Variants in CEP128 observed in about 807,000 individuals in gnomAD.
CEP128 encodes centrosomal protein 128.
Under a neutral mutation model 156.7 loss-of-function variants are expected in CEP128, and 132 were observed. The observed-to-expected ratio is 0.84, with a 90% CI of 0.73 to 0.97. CEP128 has a LOEUF of 0.97. CEP128 is among the 50% of genes least tolerant of loss of function. The probability of loss-of-function intolerance (pLI) is 0.00; values close to 1 mark genes in which losing one functional copy is unlikely to be tolerated. For synonymous variants in CEP128, 469 were observed against 448.9 expected (o/e 1.04, Z -0.57); for missense variants, 1,252 against 1,281.9 (o/e 0.98, Z 0.36).
intron 19 of CEP128, among the ~76,000 whole-genome samples, chr14:80,654,041 G>A (rs757334473): frequency 2.0e-5 from 3 of 152,100 alleles, no homozygotes; most frequent in Non-Finnish European, 4.4e-5. Flanking sequence ...TCAAAAAAAT[G>A]TGAAAGCCCC....
At chr14:80,663,631 T>C (rs1373085441) in intron 19 of CEP128, among the ~76,000 whole-genome samples, 1 of 152,196 alleles carries the variant, frequency 6.6e-6, no homozygotes, top group Admixed American at 6.5e-5. Context: ...GAGCCTCTTC[T>C]CTGTGCGAGG....
intron 23 of CEP128, among the ~76,000 whole-genome samples, chr14:80,506,273 T>A (rs1048233845): frequency 2.0e-5 from 3 of 150,308 alleles, no homozygotes; most frequent in African/African-American, 7.3e-5. Context: ...ACAGCTTAGG[T>A]ACACTGAGCC....
intron 19 of CEP128, among the ~76,000 whole-genome samples, chr14:80,705,098 C>CA (rs745932610): frequency 0.059 from 8,581 of 145,324 alleles, 290 homozygotes; most frequent in Middle Eastern, 0.08. Context: ...TTTATCCCAC[C>CA]AAAAAAAAAA....
At chr14:80,957,827 T>G (rs1886783986) in intron 2 of CEP128, 1 of 152,204 alleles carries the variant, frequency 6.6e-6, no homozygotes, top group Non-Finnish European at 1.5e-5. Context: ...AATGTTCAAC[T>G]AGGTGCTTTC....
downstream of CEP128, among the ~76,000 whole-genome samples, chr14:80,487,313 C>T (rs1887188581): frequency 6.6e-6 from 1 of 152,172 alleles, no homozygotes; most frequent in Non-Finnish European, 1.5e-5. Context: ...ATCAATTCAA[C>T]AAGAAGAGCT....
upstream of CEP128, among the ~76,000 whole-genome samples, chr14:80,944,808 T>C: frequency 1.1e-5 from 1 of 87,638 alleles, no homozygotes; most frequent in African/African-American, 4.2e-5. Flanking sequence ...GGCGACAGAG[T>C]CAAGAGTCTG....
Position 80,743,253 on chromosome 14 carries a change from C to G in CEP128, c.2628G>C (p.Trp876Cys), listed in dbSNP as rs777399716. The G allele has an allele frequency of 1.9e-6, 3 of 1,611,042 alleles. No homozygotes were observed. The highest frequency in any genetic ancestry group is 2.5e-6 in the Non-Finnish European group (3 of 1,177,988). Residue 876 changes from tryptophan to cysteine, a missense_variant, in exon 19 of 25, where the codon TGG becomes TGC. Coordinates refer to ENST00000555265, the MANE Select transcript of CEP128 (RefSeq NM_152446.5). ...WLAESKTKLQWLCEELKEREN... is the reference protein window; with the variant it reads ...WLAESKTKLQCLCEELKEREN... ...CTCTCTCTTTCAGTTCCTCACAGAG[C>G]CACTGAAGTTTAGTCTAAAAAATAA... is the stretch of plus-strand genomic sequence containing the variant.
chr14:80,675,286 A>G (rs1896013864), intron 19 of CEP128, among the ~76,000 whole-genome samples: 1 of 152,086 alleles, frequency 6.6e-6, no homozygotes, highest in Non-Finnish European at 1.5e-5. Context: ...CCACTGTTAG[A>G]CACATGCAAC....
intron 18 of CEP128, among the ~76,000 whole-genome samples, chr14:80,744,025 C>A (rs1333021243): frequency 6.6e-6 from 1 of 151,922 alleles, no homozygotes; most frequent in East Asian, 1.9e-4. Context: ...TACACACCAC[C>A]ATGTCTGGCT....
chr14:80,812,336 G>A (rs1432872734), intron 13 of CEP128, among the ~76,000 whole-genome samples: 1 of 152,114 alleles, frequency 6.6e-6, no homozygotes, highest in African/African-American at 2.4e-5. Flanking sequence ...CCATTTCTTT[G>A]CTATTGTGAA....
intron 19 of CEP128, among the ~76,000 whole-genome samples, chr14:80,667,517 A>T (rs1895665847): frequency 6.6e-6 from 1 of 152,194 alleles, no homozygotes; most frequent in South Asian, 2.1e-4. Context: ...TCTAAAATAA[A>T]ATTTTAAAAA....
rs571465157 is a variant in CEP128 at position 80,672,145 on chromosome 14, TGTAAA to T, written c.2806+70925_2806+70929del. On this transcript the variant is annotated intron_variant, in intron 19 of 24. Transcript: ENST00000555265. ...TAGGACATAAAAGCTAGCTACTGGA[TGTAAA>T]GTAAACAAATCTATACAATTCATTA... Among the ~76,000 whole-genome samples, 16 of 152,252 alleles carry T rather than the reference TGTAAA, an allele frequency of 1.1e-4. 1 individual carries two copies. The South Asian group carries it at 3.3e-3, about 32-fold the overall frequency.
downstream of CEP128, among the ~76,000 whole-genome samples, chr14:80,494,707 G>A (rs1371482267): frequency 3.3e-5 from 5 of 152,012 alleles, no homozygotes; most frequent in South Asian, 2.1e-4. Flanking sequence ...AAGAAAAGTA[G>A]GTTCATTTTC....
At chr14:80,876,110 C>G (rs1888268664) in intron 8 of CEP128, among the ~76,000 whole-genome samples, 1 of 151,766 alleles carries the variant, frequency 6.6e-6, no homozygotes, top group Non-Finnish European at 1.5e-5. Context: ...AATCTGAAGT[C>G]CTAAAAGAAG....
At chr14:80,819,928 C>T (rs1296142066) in intron 13 of CEP128, among the ~76,000 whole-genome samples, 2 of 152,026 alleles carry the variant, frequency 1.3e-5, no homozygotes, top group East Asian at 1.9e-4. Flanking sequence ...AAAAACAGAA[C>T]ATAAAACCTG....
At chr14:80,674,122 G>C (rs973001934) in intron 19 of CEP128, among the ~76,000 whole-genome samples, 2 of 150,964 alleles carry the variant, frequency 1.3e-5, no homozygotes, top group African/African-American at 2.4e-5. Flanking sequence ...ACAGAAAACT[G>C]GTAATCAGCA....
At chr14:80,813,883 T>A (rs555669332) in intron 13 of CEP128, among the ~76,000 whole-genome samples, 1 of 152,226 alleles carries the variant, frequency 6.6e-6, no homozygotes, top group Admixed American at 6.5e-5. Context: ...AAAAAATTTT[T>A]ATATACTTTC....
At chr14:80,537,676 A>T (rs1889547078) in intron 21 of CEP128, among the ~76,000 whole-genome samples, 1 of 152,172 alleles carries the variant, frequency 6.6e-6, no homozygotes, top group South Asian at 2.1e-4. Context: ...TTGCAAAAAA[A>T]CAATTCTTTT....
chr14:80,571,809 AAAAG>A (rs59067035), intron 20 of CEP128, among the ~76,000 whole-genome samples: 34,911 of 151,158 alleles, frequency 0.23, 4,563 homozygotes, highest in African/African-American at 0.35. Context: ...AGAACAAAAA[AAAAG>A]AAAGGTGAGG....
Sources: gnomAD v4.1 joint callset for allele counts (sites outside exome capture counted in the v4.1 genomes callset) on GRCh38, gnomAD v4.1.1 for gene constraint, MANE v1.5 for transcripts, NCBI Gene and HGNC (gene_info 2026-07-23, HGNC 2026-07-21) for gene names.